Variants in STAU1 observed in about 807,000 individuals in gnomAD.
STAU1 encodes the protein staufen double-stranded RNA binding protein 1.
Under a neutral mutation model 62.9 loss-of-function variants are expected in STAU1, and 13 were observed. The observed-to-expected ratio is 0.21, with a 90% confidence interval of 0.13 to 0.33. STAU1 has a LOEUF of 0.33. Ranked by LOEUF, STAU1 falls within the 10% of genes least tolerant of loss-of-function variation. The pLI is 1.00. For synonymous variants in STAU1, 269 were observed against 265.1 expected (o/e 1.01, Z -0.14); for missense variants, 571 against 712.1 (o/e 0.80, Z 2.25).
At chr20:49,181,762 TCAA>T (rs200885343) in intron 1 of STAU1, among the ~76,000 whole-genome samples, 615 of 9,352 alleles carry the variant, frequency 0.066, 178 homozygotes, top group African/African-American at 0.2. Context: ...CAAGACTATC[TCAA>T]CAAAAAAAAA....
chr20:49,151,311 A>G (rs2093243881), intron 5 of STAU1, among the ~76,000 whole-genome samples: 1 of 152,216 alleles, frequency 6.6e-6, no homozygotes, highest in Non-Finnish European at 1.5e-5. Context: ...CTGAATCACA[A>G]ACTTTCTAAC....
the STAU1 span, among the ~76,000 whole-genome samples, chr20:49,207,344 G>A: frequency 6.6e-6 from 1 of 152,164 alleles, no homozygotes; most frequent in Non-Finnish European, 1.5e-5. Flanking sequence ...CTGTCCTGGA[G>A]GAGCCAGGGG....
the STAU1 span, among the ~76,000 whole-genome samples, chr20:49,217,630 A>T: frequency 6.7e-6 from 1 of 150,230 alleles, no homozygotes; most frequent in Non-Finnish European, 1.5e-5. Flanking sequence ...ATTTGAATCA[A>T]GGCTGTGTGG....
chr20:49,123,512 AT>A (rs2092518197), intron 7 of STAU1, among the ~76,000 whole-genome samples: 1 of 152,234 alleles, frequency 6.6e-6, no homozygotes, highest in Non-Finnish European at 1.5e-5. Context: ...ATATTTCAAC[AT>A]ATGACAGTAA....
chr20:49,151,549 G>A (rs200467949), intron 5 of STAU1, 33 bp downstream of exon 5: 80 of 1,550,072 alleles, frequency 5.2e-5, no homozygotes, highest in Middle Eastern at 1.9e-4. Flanking sequence ...CTACCCTGTC[G>A]AAGCGTCAGG....
intron 5 of STAU1, among the ~76,000 whole-genome samples, chr20:49,143,656 G>C (rs1455300013): frequency 6.6e-6 from 1 of 152,172 alleles, no homozygotes; most frequent in Non-Finnish European, 1.5e-5. Context: ...CTCACAGTAT[G>C]CTAGGAAAAT....
In STAU1 at chr20:49,185,032, T is replaced by C. The variant is rs899923993; in HGVS notation, c.-160+3084A>G. ...CAAGAAAGAAAAACGTGAACACTTA[T>C]GCTGTGATTTCATACTATTCACAAA... On this transcript the variant is annotated intron_variant, in intron 1 of 13. Transcript: ENST00000371856. Among the ~76,000 whole-genome samples the C allele has an allele frequency of 2.0e-5, 3 of 152,252 alleles. 1 individual carries two copies. Among genetic ancestry groups the C allele is most frequent in the South Asian group, 4.1e-4 (2 of 4,834 alleles).
At chr20:49,164,541 C>T (rs1221354195) in intron 3 of STAU1, among the ~76,000 whole-genome samples, 2 of 151,614 alleles carry the variant, frequency 1.3e-5, no homozygotes, top group Non-Finnish European at 2.9e-5. Flanking sequence ...TCTCCCCACT[C>T]GGCCTCCCAA....
At chr20:49,149,243 T>G (rs952075161) in intron 5 of STAU1, among the ~76,000 whole-genome samples, 1 of 115,308 alleles carries the variant, frequency 8.7e-6, no homozygotes, top group Non-Finnish European at 1.7e-5. Flanking sequence ...AGGGAGAGAC[T>G]GTCTCAAAAC....
chr20:49,172,291 A>G (rs1027705302), intron 2 of STAU1, among the ~76,000 whole-genome samples: 1 of 152,228 alleles, frequency 6.6e-6, no homozygotes, highest in African/African-American at 2.4e-5. Context: ...CTAAAAAACT[A>G]TAAGCCTTAT....
chr20:49,149,251 AACACACAC>A (rs34854738), intron 5 of STAU1, among the ~76,000 whole-genome samples: 298 of 132,028 alleles, frequency 2.3e-3, no homozygotes, highest in African/African-American at 7.5e-3. Flanking sequence ...ACTGTCTCAA[AACACACAC>A]ACACACACAC....
chr20:49,193,080 AAAGTG>A (rs1239739089), upstream of STAU1, among the ~76,000 whole-genome samples: 1 of 152,218 alleles, frequency 6.6e-6, no homozygotes, highest in Non-Finnish European at 1.5e-5. Flanking sequence ...ATACTCAGTA[AAAGTG>A]GTATTTCAAG....
At chr20:49,184,306 A>G (rs1219780263) in intron 1 of STAU1, among the ~76,000 whole-genome samples, 1 of 151,658 alleles carries the variant, frequency 6.6e-6, no homozygotes, top group Non-Finnish European at 1.5e-5. Context: ...TTTTTTTACC[A>G]CTTATTCCAG....
chr20:49,165,879 T>C, intron 3 of STAU1, 118 bp downstream of exon 3: 1 of 991,612 alleles, frequency 1.0e-6, no homozygotes, highest in South Asian at 1.5e-5. Flanking sequence ...TGGGTGGTGA[T>C]ACTTTCTTTT....
intron 5 of STAU1, among the ~76,000 whole-genome samples, chr20:49,141,007 A>G (rs1041368085): frequency 6.6e-6 from 1 of 150,724 alleles, no homozygotes; most frequent in African/African-American, 2.4e-5. Context: ...AAAGGTCCAC[A>G]TGCTAAGAAC....
chr20:49,210,533 G>C, the STAU1 span: 2 of 455,410 alleles, frequency 4.4e-6, no homozygotes, highest in African/African-American at 4.0e-5. Context: ...TACATCACTA[G>C]GTTTTCAAAC....
the STAU1 span, among the ~76,000 whole-genome samples, chr20:49,206,139 C>T: frequency 6.9e-6 from 1 of 144,990 alleles, no homozygotes; most frequent in Non-Finnish European, 1.5e-5. Flanking sequence ...CTCGCCACCA[C>T]GCCCAGCTGA....
At chr20:49,211,896 A>G in the STAU1 span, among the ~76,000 whole-genome samples, 5 of 152,220 alleles carry the variant, frequency 3.3e-5, no homozygotes, top group African/African-American at 1.2e-4. Context: ...TTTTTGAAGA[A>G]CTACCAAACT....
intron 3 of STAU1, among the ~76,000 whole-genome samples, chr20:49,164,035 G>A (rs1307793779): frequency 6.6e-6 from 1 of 152,088 alleles, no homozygotes; most frequent in African/African-American, 2.4e-5. Flanking sequence ...AGTTGGAGAT[G>A]AGCCTGGGCA....
Sources: gnomAD v4.1 joint callset for allele counts (sites outside exome capture counted in the v4.1 genomes callset) on GRCh38, gnomAD v4.1.1 for gene constraint, MANE v1.5 for transcripts, NCBI Gene and HGNC (gene_info 2026-07-23, HGNC 2026-07-21) for gene names.